The following CMTM3 variants were observed in gnomAD, a reference collection of about 807,000 sequenced individuals.
CMTM3 encodes the protein CKLF-like MARVEL transmembrane domain-containing protein 3.
Under a neutral mutation model 18.2 loss-of-function variants are expected in CMTM3, and 7 were observed. The observed-to-expected ratio is 0.38, with a 90% CI of 0.22 to 0.72. The LOEUF is 0.72. Ranked by LOEUF, CMTM3 falls within the 30% of genes least tolerant of loss-of-function variation. CMTM3 has a pLI of 0.46. For missense variants in CMTM3, 227 were observed against 249.2 expected, an observed-to-expected ratio of 0.91 and a Z score of 0.60; for synonymous variants, 109 against 111.2, an observed-to-expected ratio of 0.98 and a Z score of 0.12.
Position 66,610,088 on chromosome 16 carries a change from T to G in CMTM3, c.520+85T>G, listed in dbSNP as rs1597209926. 6.5e-7 allele frequency: 1 copy of G among 1,541,378 alleles called. No homozygotes were observed. The highest frequency in any genetic ancestry group is 8.9e-7 in the Non-Finnish European group (1 of 1,126,874). ...GATGCCAGCTAGTTTGAGGCTGGGG[T>G]GGGATCATTTCCTCTCTCCCCATGG... is the stretch of plus-strand genomic sequence containing the variant. On this transcript the variant is annotated intron_variant, in intron 4 of 4. Coordinates refer to ENST00000567572, the MANE Select transcript of CMTM3 (RefSeq NM_181553.4). The surrounding 1 kb of genome is among the most constrained non-coding windows in gnomAD (Gnocchi z 4.6).
rs1359678750 is a variant in CMTM3 at position 66,610,377 on chromosome 16, C to G, written c.520+374C>G. On this transcript the variant is annotated intron_variant, in intron 4 of 4. Coordinates refer to ENST00000567572, the MANE Select transcript of CMTM3 (RefSeq NM_181553.4). This position sits in a 1 kb window ranked among gnomAD's most constrained non-coding sequence, Gnocchi z 4.6. ...GCTGTCTTACCCATCCAGGCCTGTC[C>G]TGGGAAGCTCAGAGCCCAGAAAGGA... Among the ~76,000 whole-genome samples the G allele has an allele frequency of 1.3e-5, 2 of 152,182 alleles. No homozygotes were observed. Among genetic ancestry groups the G allele is most frequent in the African/African-American group, 4.8e-5 (2 of 41,434 alleles).
chr16:66,605,995 C>T lies in CMTM3; in HGVS notation c.147+1043C>T. 6.6e-6 allele frequency among the ~76,000 whole-genome samples: 1 copy of T among 152,018 alleles called. No homozygotes were observed. Among genetic ancestry groups the T allele is most frequent in the East Asian group, 1.9e-4 (1 of 5,146 alleles). On this transcript the variant is annotated intron_variant, in intron 1 of 4. Transcript: ENST00000567572. The surrounding 1 kb of genome is among the most constrained non-coding windows in gnomAD (Gnocchi z 4.6). ...GGGAGCCACTTGAGGGGAGAAGCCT[C>T]GAATCCACCGTCCCCAGAGTGGCTT... is the stretch of plus-strand genomic sequence containing the variant.
chr16:66,606,269 G>A (rs1036947125), intron 1 of CMTM3, among the ~76,000 whole-genome samples: 1 of 152,134 alleles, frequency 6.6e-6, no homozygotes. Context: ...GAGAGGAAGT[G>A]GCCCCAGAAA....
upstream of CMTM3, chr16:66,604,678 G>A (rs2015056546): frequency 1.2e-5 from 8 of 689,744 alleles, no homozygotes. Context: ...GGGCGTGGCG[G>A]CGGGGGATGC....
Position 66,612,587 on chromosome 16 carries a change from A to G in CMTM3, c.521-22A>G, listed in dbSNP as rs773151270. 2 of 1,613,726 alleles carry G rather than the reference A, an allele frequency of 1.2e-6. No homozygotes were observed. Among genetic ancestry groups the G allele is most frequent in the East Asian group, 4.5e-5 (2 of 44,864 alleles). On this transcript the variant is annotated intron_variant, in intron 4 of 4. Coordinates refer to ENST00000567572, the MANE Select transcript of CMTM3 (RefSeq NM_181553.4). The surrounding 1 kb of genome is among the most constrained non-coding windows in gnomAD (Gnocchi z 6.0). ...CGCTGCCCTGAGCCTCCTGCCAAGC[A>G]TCCTCTCTGCTTTCCTTTCAGAAGA... is the stretch of plus-strand genomic sequence containing the variant.
chr16:66,611,537 G>T (rs1288725021), intron 4 of CMTM3, among the ~76,000 whole-genome samples: 1 of 152,150 alleles, frequency 6.6e-6, no homozygotes, highest in East Asian at 1.9e-4. Flanking sequence ...GGGGTTTAGG[G>T]ACTAGGCTGC....
rs1181900429 is a variant in CMTM3 at position 66,609,862 on chromosome 16, T to C, written c.400-21T>C. 6.2e-7 allele frequency: 1 copy of C among 1,614,154 alleles called. No individual in the cohort carries two copies. The highest frequency in any genetic ancestry group is 8.5e-7 in the Non-Finnish European group (1 of 1,180,014). ...AGCAGGGAGTCAGCCCTGTGATGCA[T>C]CCCATCCACCCTGTCCACAGGTGTT... is the stretch of plus-strand genomic sequence containing the variant. On this transcript the variant is annotated intron_variant, in intron 3 of 4. Transcript: ENST00000567572. This position sits in a 1 kb window ranked among gnomAD's most constrained non-coding sequence, Gnocchi z 4.4.
rs2144757812 is a variant in CMTM3, at chr16:66,612,119, C to G, written c.521-490C>G. On this transcript the variant is annotated intron_variant, in intron 4 of 4. Coordinates refer to ENST00000567572, the MANE Select transcript of CMTM3 (RefSeq NM_181553.4). This position sits in a 1 kb window ranked among gnomAD's most constrained non-coding sequence, Gnocchi z 6.0. Reference sequence around the variant, plus strand: ...CACCCGCACCCACACCCTGGAGGTGCAAGTGGCTTCTGCGGCCGGGCACGG... The same window carrying G: ...CACCCGCACCCACACCCTGGAGGTGGAAGTGGCTTCTGCGGCCGGGCACGG... Among the ~76,000 whole-genome samples the G allele has an allele frequency of 6.6e-6, 1 of 152,250 alleles. No individual in the cohort carries two copies. The highest frequency in any genetic ancestry group is 1.9e-4 in the East Asian group (1 of 5,162).
Position 66,605,744 on chromosome 16 carries a change from G to A in CMTM3, c.147+792G>A, listed in dbSNP as rs2015126346. ...ATGAGAGCGCTCAGGCGCCTGATTTGACAGGTGGCTCAACTGAGGGGCCCA... is the reference window on the plus strand; with the variant it reads ...ATGAGAGCGCTCAGGCGCCTGATTTAACAGGTGGCTCAACTGAGGGGCCCA... On this transcript the variant is annotated intron_variant, in intron 1 of 4. Coordinates refer to ENST00000567572, the MANE Select transcript of CMTM3 (RefSeq NM_181553.4). This position sits in a 1 kb window ranked among gnomAD's most constrained non-coding sequence, Gnocchi z 4.6. Among the ~76,000 whole-genome samples the A allele has an allele frequency of 6.6e-6, 1 of 152,224 alleles. No individual in the cohort carries two copies. Among genetic ancestry groups the A allele is most frequent in the South Asian group, 2.1e-4 (1 of 4,836 alleles).
intron 4 of CMTM3, chr16:66,611,014 C>T (rs1439448771): frequency 1.5e-5 from 6 of 397,718 alleles, no homozygotes; most frequent in African/African-American, 1.2e-4. Context: ...GCAAGTGATC[C>T]CAGACAACCA....
intron 1 of CMTM3, among the ~76,000 whole-genome samples, chr16:66,606,714 C>T (rs867370696): frequency 2.0e-5 from 3 of 152,192 alleles, no homozygotes; most frequent in African/African-American, 7.2e-5. Context: ...CTACCTGGGC[C>T]GGGCGTGGTG....
intron 4 of CMTM3, chr16:66,611,077 T>G (rs2015358521): frequency 5.1e-6 from 2 of 389,134 alleles, no homozygotes. Flanking sequence ...TTTTATTTTG[T>G]TTTTTTTGTT....
rs1053306416 is a variant in CMTM3, at chr16:66,605,786, G to A, written c.147+834G>A. ...AGGGGCCCAGTGAGAGCGGCCAGGA[G>A]GGTGGGGGCAGGAGGAAGGGGGATT... On this transcript the variant is annotated intron_variant, in intron 1 of 4. Transcript: ENST00000567572. This position sits in a 1 kb window ranked among gnomAD's most constrained non-coding sequence, Gnocchi z 4.6. 3.9e-5 allele frequency among the ~76,000 whole-genome samples: 6 copies of A among 152,226 alleles called. No homozygotes were observed. The highest frequency in any genetic ancestry group is 1.4e-4 in the African/African-American group (6 of 41,458).
intron 1 of CMTM3, among the ~76,000 whole-genome samples, chr16:66,607,669 C>T (rs1486985798): frequency 6.6e-6 from 1 of 152,154 alleles, no homozygotes; most frequent in East Asian, 1.9e-4. Context: ...CTGGTTCCTG[C>T]CTCGCTTTGA....
chr16:66,606,949 G>A (rs958960546), intron 1 of CMTM3, among the ~76,000 whole-genome samples: 6 of 152,208 alleles, frequency 3.9e-5, no homozygotes, highest in African/African-American at 1.2e-4. Context: ...AACTGAGATC[G>A]TGCCACTGCA....
Position 66,605,550 on chromosome 16 carries a change from C to A in CMTM3, c.147+598C>A, listed in dbSNP as rs551896746. 2.0e-5 allele frequency: 3 copies of A among 152,510 alleles called. No homozygotes were observed. The highest frequency in any genetic ancestry group is 7.2e-5 in the African/African-American group (3 of 41,584). The allele number at this position is 152,510 out of a possible 1,614,324, so 9.4% of individuals were successfully genotyped here. On this transcript the variant is annotated intron_variant, in intron 1 of 4. Coordinates refer to ENST00000567572, the MANE Select transcript of CMTM3 (RefSeq NM_181553.4). The surrounding 1 kb of genome is among the most constrained non-coding windows in gnomAD (Gnocchi z 4.6). ...TTGTCCTCTGGACACCGGAGGCGCC[C>A]GCACTGTCCGCTGTGGGGTAGGGGT...
Position 66,609,810 on chromosome 16 carries a change from C to T in CMTM3, c.400-73C>T, listed in dbSNP as rs2015306168. The T allele has an allele frequency of 1.9e-6, 3 of 1,613,996 alleles. No individual in the cohort carries two copies. Among genetic ancestry groups the T allele is most frequent in the Non-Finnish European group, 2.5e-6 (3 of 1,179,932 alleles). ...TTGTCCAAGCAGATCTGAAATGGGC[C>T]GTGAGGCTGGGGCAGCAGCCTCCCG... On this transcript the variant is annotated intron_variant, in intron 3 of 4. Transcript: ENST00000567572. This position sits in a 1 kb window ranked among gnomAD's most constrained non-coding sequence, Gnocchi z 4.4.
At chr16:66,607,179 G>A (rs1236553932) in intron 1 of CMTM3, among the ~76,000 whole-genome samples, 1 of 152,222 alleles carries the variant, frequency 6.6e-6, no homozygotes, top group Non-Finnish European at 1.5e-5. Context: ...GGAGCCCCAG[G>A]CTGGCCAACA....
At position 66,604,925 on chromosome 16, in the gene CMTM3, C is replaced by T. The variant is rs1468179736; in HGVS notation, c.120C>T (p.Leu40=). ...LLPARAFLCS[L]KGRLLLAESG... ...CGGCGCGGGCTTTCCTCTGCTCTCT[C>T]AAAGGCCGCCTCCTGCTGGCCGAGT... is the stretch of plus-strand genomic sequence containing the variant. Residue 40 remains leucine, a synonymous_variant, in exon 1 of 5, where the codon CTC becomes CTT. Transcript: ENST00000567572. The T allele has an allele frequency of 4.7e-6, 7 of 1,498,332 alleles. No homozygotes were observed. The Admixed American group carries it at 1.1e-4, about 24-fold the overall frequency. The allele number at this position is 1,498,332 out of a possible 1,614,324, so 92.8% of individuals were successfully genotyped here.
Sources: gnomAD v4.1 joint callset for allele counts (sites outside exome capture counted in the v4.1 genomes callset) on GRCh38, gnomAD v4.1.1 for gene constraint, Gnocchi (gnomAD v3.1) non-coding constraint, MANE v1.5 for transcripts, NCBI Gene and HGNC (gene_info 2026-07-23, HGNC 2026-07-21) for gene names.